MVB12B: variants seen among roughly 807,000 people sequenced by gnomAD.
The protein encoded by MVB12B is multivesicular body subunit 12B, also known as ESCRT-I complex subunit MVB12B.
Under a neutral mutation model 41.6 loss-of-function variants are expected in MVB12B, and 16 were observed. The observed-to-expected ratio is 0.38, with a 90% CI of 0.26 to 0.58. The LOEUF (loss-of-function observed/expected upper bound fraction) is 0.58. MVB12B is among the 20% of genes least tolerant of loss of function. MVB12B has a pLI of 0.62. For synonymous variants in MVB12B, 133 were observed against 139.7 expected (o/e 0.95, Z 0.34); for missense variants, 274 against 380.2 (o/e 0.72, Z 2.32).
chr9:126,389,137 C>G lies in MVB12B; in HGVS notation c.409+2479C>G, dbSNP rs1206252458. ...ACTGGGAGTACACAGGTTGCTGTCC[C>G]AAGTGTGGACTCTGAGATCGGTCCT... On this transcript the variant is annotated intron_variant, in intron 4 of 9. Transcript: ENST00000361171. This position sits in a 1 kb window ranked among gnomAD's most constrained non-coding sequence, Gnocchi z 4.4. Among the ~76,000 whole-genome samples, 2 of 152,176 alleles carry G rather than the reference C, an allele frequency of 1.3e-5. No homozygotes were observed. The highest frequency in any genetic ancestry group is 1.5e-5 in the Non-Finnish European group (1 of 68,042).
chr9:126,441,248 G>C (rs565619694), intron 7 of MVB12B, among the ~76,000 whole-genome samples: 25 of 152,330 alleles, frequency 1.6e-4, no homozygotes, highest in Non-Finnish European at 3.2e-4. Flanking sequence ...TCCTCTGCGA[G>C]GCTTGAAGGC....
At chr9:126,400,549 G>T (rs898801008) in intron 6 of MVB12B, among the ~76,000 whole-genome samples, 3 of 152,130 alleles carry the variant, frequency 2.0e-5, no homozygotes, top group Non-Finnish European at 4.4e-5. Context: ...ATTCAGGTTC[G>T]GCAGAACTAC....
At chr9:126,413,228 T>C (rs2119064187) in intron 6 of MVB12B, among the ~76,000 whole-genome samples, 1 of 152,318 alleles carries the variant, frequency 6.6e-6, no homozygotes, top group East Asian at 1.9e-4. Context: ...ATTAAGAGCA[T>C]GAATTGTGTA....
At chr9:126,474,062 G>A (rs1452872302) in intron 7 of MVB12B, among the ~76,000 whole-genome samples, 3 of 152,174 alleles carry the variant, frequency 2.0e-5, no homozygotes, top group Non-Finnish European at 4.4e-5. Context: ...CTCTGCCAAG[G>A]AAAGGGTAGG....
At chr9:126,355,030 T>A (rs1829843801) in intron 2 of MVB12B, among the ~76,000 whole-genome samples, 1 of 152,208 alleles carries the variant, frequency 6.6e-6, no homozygotes, top group Admixed American at 6.5e-5. Flanking sequence ...TTCTGAACAC[T>A]GTCTTCTCCC....
At chr9:126,422,677 C>G (rs1314345693) in intron 7 of MVB12B, among the ~76,000 whole-genome samples, 1 of 152,104 alleles carries the variant, frequency 6.6e-6, no homozygotes, top group Non-Finnish European at 1.5e-5. Flanking sequence ...CAGCACACAC[C>G]CTTAATGGTG....
At chr9:126,498,499 C>G (rs900034634) in intron 9 of MVB12B, among the ~76,000 whole-genome samples, 1 of 152,250 alleles carries the variant, frequency 6.6e-6, no homozygotes, top group Non-Finnish European at 1.5e-5. Context: ...CTGGCCCTAT[C>G]GTGATTCACC....
intron 6 of MVB12B, chr9:126,408,175 G>A (rs534290204): frequency 1.2e-4 from 18 of 152,294 alleles, no homozygotes; most frequent in Admixed American, 1.1e-3. Flanking sequence ...GCAAATAAGC[G>A]TTATTAGCCT....
chr9:126,461,756 C>G (rs1041020110), intron 7 of MVB12B, among the ~76,000 whole-genome samples: 25 of 151,240 alleles, frequency 1.7e-4, no homozygotes, highest in Admixed American at 1.5e-3. Context: ...GGAGCCTGGG[C>G]GTGGAGGTGG....
At chr9:126,345,347 G>T (rs749927202) in intron 2 of MVB12B, among the ~76,000 whole-genome samples, 1 of 152,202 alleles carries the variant, frequency 6.6e-6, no homozygotes, top group African/African-American at 2.4e-5. Context: ...CTCTTCTGGA[G>T]AAATCCCACC....
Position 126,368,092 on chromosome 9 carries a change from C to T in MVB12B, c.205-12972C>T, listed in dbSNP as rs181142155. Among the ~76,000 whole-genome samples the T allele has an allele frequency of 3.3e-4, 50 of 152,282 alleles. No individual in the cohort carries two copies. The East Asian group carries it at 3.5e-3, about 11-fold the overall frequency. ...GAAGCAGTGGTTTCCGATGCAACGC[C>T]GATACTTGGCATTGATTAAGTGATT... is the stretch of plus-strand genomic sequence containing the variant. On this transcript the variant is annotated intron_variant, in intron 2 of 9. Transcript: ENST00000361171.
chr9:126,503,450 C>G lies in MVB12B; in HGVS notation c.*187C>G, dbSNP rs1201597893. On this transcript the variant is annotated 3_prime_UTR_variant, in exon 10 of 10. Coordinates refer to ENST00000361171, the MANE Select transcript of MVB12B (RefSeq NM_033446.3). ...TCAGCTGGCCTCACTGACACCCCGG[C>G]CTCCCTGGGGACATTGTTCATAACC... 1 of 600,592 alleles carries G rather than the reference C, an allele frequency of 1.7e-6. No homozygotes were observed. The highest frequency in any genetic ancestry group is 2.8e-5 in the East Asian group (1 of 36,214). The allele number at this position is 600,592 out of a possible 1,614,324, so 37.2% of individuals were successfully genotyped here.
intron 9 of MVB12B, among the ~76,000 whole-genome samples, chr9:126,499,264 T>G (rs925408661): frequency 6.6e-6 from 1 of 151,862 alleles, no homozygotes; most frequent in Non-Finnish European, 1.5e-5. Flanking sequence ...TGGCAGAGCC[T>G]CCAGGACCCC....
chr9:126,364,080 G>C (rs1381962784), intron 2 of MVB12B, among the ~76,000 whole-genome samples: 1 of 152,140 alleles, frequency 6.6e-6, no homozygotes, highest in African/African-American at 2.4e-5. Context: ...TTATTGAATT[G>C]AATTAGCTGG....
At chr9:126,380,305 T>G (rs1830598858) in intron 2 of MVB12B, among the ~76,000 whole-genome samples, 1 of 152,156 alleles carries the variant, frequency 6.6e-6, no homozygotes, top group Non-Finnish European at 1.5e-5. Context: ...AAGCCTGGTC[T>G]TTCATGGGAA....
intron 7 of MVB12B, among the ~76,000 whole-genome samples, chr9:126,442,012 G>A (rs1266438353): frequency 6.6e-6 from 1 of 152,124 alleles, no homozygotes; most frequent in Non-Finnish European, 1.5e-5. Context: ...GTTTCATAAT[G>A]GAGCTAACTG....
At chr9:126,370,689 GTTTT>G (rs1830313726) in intron 2 of MVB12B, among the ~76,000 whole-genome samples, 1 of 151,988 alleles carries the variant, frequency 6.6e-6, no homozygotes, top group African/African-American at 2.4e-5. Flanking sequence ...GCCTGGAGGG[GTTTT>G]TTATTTCCTT....
intron 2 of MVB12B, among the ~76,000 whole-genome samples, chr9:126,363,734 C>T (rs1830088834): frequency 6.6e-6 from 1 of 152,102 alleles, no homozygotes; most frequent in Admixed American, 6.5e-5. Context: ...AGATTTGCTC[C>T]TTCCCTAATT....
intron 9 of MVB12B, among the ~76,000 whole-genome samples, chr9:126,500,652 C>A (rs939645128): frequency 6.6e-6 from 1 of 152,254 alleles, no homozygotes; most frequent in Non-Finnish European, 1.5e-5. Flanking sequence ...AGTTGAAAAG[C>A]CTGCTGCATG....
Sources: gnomAD v4.1 joint callset for allele counts (sites outside exome capture counted in the v4.1 genomes callset) on GRCh38, gnomAD v4.1.1 for gene constraint, Gnocchi (gnomAD v3.1) non-coding constraint, MANE v1.5 for transcripts, NCBI Gene and HGNC (gene_info 2026-07-23, HGNC 2026-07-21) for gene names.